The following TSPAN10 variants were observed in gnomAD, a reference collection of about 807,000 sequenced individuals.
TSPAN10 encodes the protein tetraspanin 10.
A neutral mutation model predicts 15.0 loss-of-function variants in TSPAN10; 11 were observed. That is an observed-to-expected ratio of 0.73 (90% confidence interval 0.46 to 1.21). The LOEUF (loss-of-function observed/expected upper bound fraction) is 1.21. Ranked by LOEUF, TSPAN10 falls within the 50% of genes most tolerant of loss-of-function variation. The pLI is 0.00. For missense variants in TSPAN10, 486 were observed against 470.6 expected (o/e 1.03, Z -0.30); for synonymous variants, 241 against 226.2 (o/e 1.07, Z -0.59).
At chr17:81,640,681 C>T (rs1467980040), upstream of TSPAN10, among the ~76,000 whole-genome samples, 3 of 152,040 alleles carry the variant, frequency 2.0e-5, no homozygotes, top group Non-Finnish European at 1.5e-5. Context: ...ATCTCCTGAC[C>T]TCATGATCCA....
At chr17:81,645,000 A>G (rs765233442) in exon 2 of TSPAN10, 1 of 1,610,738 alleles carries the variant, frequency 6.2e-7, no homozygotes, top group Non-Finnish European at 8.5e-7. Flanking sequence ...AGGAAACTGC[A>G]GGCCAGAAGC....
chr17:81,646,558 T>C (rs1305501749), intron 2 of TSPAN10: 5 of 151,202 alleles, frequency 3.3e-5, no homozygotes, highest in Non-Finnish European at 4.4e-5. Flanking sequence ...CGGGCGCCTA[T>C]AGTCCCAGCT....
chr17:81,642,995 T>TTATATATATATATATATATATATATA (rs71968441), intron 1 of TSPAN10, among the ~76,000 whole-genome samples: 3 of 143,094 alleles, frequency 2.1e-5, no homozygotes, highest in African/African-American at 7.6e-5. Context: ...CTACAAAATA[T>TTATATATATATATATATATATATATA]TATATATATA....
intron 2 of TSPAN10, 155 bp downstream of exon 3, chr17:81,645,784 C>T (rs961420978): frequency 1.0e-6 from 1 of 982,716 alleles, no homozygotes; most frequent in Non-Finnish European, 1.5e-6. Context: ...CATATCCACA[C>T]TGGCACGTCT....
upstream of TSPAN10, among the ~76,000 whole-genome samples, chr17:81,640,126 G>C (rs914178013): frequency 6.6e-6 from 1 of 152,160 alleles, no homozygotes; most frequent in Admixed American, 6.6e-5. Context: ...GGGACCACAA[G>C]TGCTCACAAT....
At chr17:81,645,380 C>T (rs760223669) in exon 2 of TSPAN10, 6 of 1,598,360 alleles carry the variant, frequency 3.8e-6, no homozygotes, top group Non-Finnish European at 5.1e-6. Flanking sequence ...TACCTGGGCG[C>T]CCTCTGTGAG....
upstream of TSPAN10, among the ~76,000 whole-genome samples, chr17:81,641,813 GTTGCAGTGAGCCGAGA>G (rs150630457): frequency 0.5 from 76,246 of 151,482 alleles, 21,059 homozygotes; most frequent in East Asian, 0.99. Context: ...GGGAGGCGAG[GTTGCAGTGAGCCGAGA>G]TTGCGCCATT....
chr17:81,647,258 G>A (rs148164966), intron 2 of TSPAN10, among the ~76,000 whole-genome samples: 31 of 152,232 alleles, frequency 2.0e-4, no homozygotes, highest in Non-Finnish European at 3.5e-4. Context: ...CCCATCCCCT[G>A]CCTAAGTGGG....
chr17:81,642,008 A>G (rs957978457), upstream of TSPAN10, among the ~76,000 whole-genome samples: 2 of 152,134 alleles, frequency 1.3e-5, no homozygotes, highest in Non-Finnish European at 2.9e-5. Flanking sequence ...CCAATTTACC[A>G]GGGTCTGATT....
upstream of TSPAN10, chr17:81,637,474 A>T (rs1201328884): frequency 5.9e-6 from 4 of 681,238 alleles, no homozygotes; most frequent in Admixed American, 2.2e-5. Context: ...AGTATTTTTT[A>T]AATTTAACAT....
At chr17:81,645,003 C>G in exon 2 of TSPAN10, 1 of 1,610,988 alleles carries the variant, frequency 6.2e-7, no homozygotes, top group African/African-American at 1.3e-5. Flanking sequence ...AAACTGCAGG[C>G]CAGAAGCCCC....
At chr17:81,639,200 C>CTTTTTTTTTTTTTTTTTTTT (rs757994889), upstream of TSPAN10, 4 of 115,250 alleles carry the variant, frequency 3.5e-5, 1 homozygote, top group Non-Finnish European at 1.6e-5. Context: ...TTTGGAATTA[C>CTTTTTTTTTTTTTTTTTTTT]TTTTCTTTTT....
At chr17:81,639,200 C>CTTTTTTTTTTTTT (rs757994889), upstream of TSPAN10, 4 of 115,252 alleles carry the variant, frequency 3.5e-5, 1 homozygote, top group Admixed American at 1.1e-4. Flanking sequence ...TTTGGAATTA[C>CTTTTTTTTTTTTT]TTTTCTTTTT....
chr17:81,640,452 CTTAT>C (rs1021192494), upstream of TSPAN10, among the ~76,000 whole-genome samples: 1 of 151,788 alleles, frequency 6.6e-6, no homozygotes, highest in Non-Finnish European at 1.5e-5. Flanking sequence ...GCTAATGGCA[CTTAT>C]TTATTTATTT....
At chr17:81,647,757 C>T (rs2036273841) in intron 2 of TSPAN10, 144 bp from the exon 4 acceptor site, 2 of 815,810 alleles carry the variant, frequency 2.5e-6, no homozygotes, top group African/African-American at 1.7e-5. Context: ...CAGGTGTGTG[C>T]GAATAGGAGG....
exon 2 of TSPAN10, chr17:81,645,161 T>G (rs1166793230): frequency 6.4e-7 from 1 of 1,560,076 alleles, no homozygotes; most frequent in South Asian, 1.2e-5. Flanking sequence ...GCCCCTTCCC[T>G]CTCCCCAGGG....
At chr17:81,643,836 T>G (rs2036206181) in intron 1 of TSPAN10, among the ~76,000 whole-genome samples, 1 of 151,878 alleles carries the variant, frequency 6.6e-6, no homozygotes, top group East Asian at 1.9e-4. Context: ...ATTTAGTTTT[T>G]GAGATGGAGT....
chr17:81,640,703 C>T (rs2144373459), upstream of TSPAN10, among the ~76,000 whole-genome samples: 1 of 152,200 alleles, frequency 6.6e-6, no homozygotes, highest in South Asian at 2.1e-4. Context: ...CTGCCTCGGC[C>T]TCCCTAAGTG....
chr17:81,637,657 T>G, upstream of TSPAN10: 32 of 374,986 alleles, frequency 8.5e-5, no homozygotes, highest in Non-Finnish European at 1.1e-4. Flanking sequence ...AATTAGGCCA[T>G]ACGCGGTGGC....
Sources: gnomAD v4.1 joint callset for allele counts (sites outside exome capture counted in the v4.1 genomes callset) on GRCh38, gnomAD v4.1.1 for gene constraint, MANE v1.5 for transcripts, NCBI Gene and HGNC (gene_info 2026-07-23, HGNC 2026-07-21) for gene names.